Variants in ABL1 observed in about 807,000 individuals in gnomAD.
The protein encoded by ABL1 is tyrosine-protein kinase ABL1.
A neutral mutation model predicts 94.7 loss-of-function variants in ABL1; 11 were observed. That is an observed-to-expected ratio of 0.12 (90% CI 0.07 to 0.19). The LOEUF (loss-of-function observed/expected upper bound fraction) is 0.19, where lower values mean the gene tolerates loss of function less well. Among genes scored for constraint, ABL1 ranks in the 10% least tolerant of loss-of-function variants. The pLI is 1.00. For missense variants in ABL1, 1,082 were observed against 1,489.4 expected, an observed-to-expected ratio of 0.73 and a Z score of 4.50; for synonymous variants, 656 against 622.4, an observed-to-expected ratio of 1.05 and a Z score of -0.80.
chr9:130,772,894 G>A (rs964288324), intron 1 of ABL1, among the ~76,000 whole-genome samples: 2 of 152,208 alleles, frequency 1.3e-5, no homozygotes, highest in African/African-American at 4.8e-5. Context: ...ACTTTTGCTG[G>A]TGATAGGACA....
intron 1 of ABL1, among the ~76,000 whole-genome samples, chr9:130,772,223 A>C (rs1225775240): frequency 6.6e-6 from 1 of 152,336 alleles, no homozygotes; most frequent in Non-Finnish European, 1.5e-5. Flanking sequence ...ACATCGGAAC[A>C]CTGGTCTGGT....
At chr9:130,731,807 A>G (rs745515235) in intron 1 of ABL1, among the ~76,000 whole-genome samples, 1 of 151,954 alleles carries the variant, frequency 6.6e-6, no homozygotes, top group African/African-American at 2.4e-5. Context: ...ACCCTTAAGG[A>G]TTTTCTTCTC....
chr9:130,749,332 C>T (rs1831927005), intron 1 of ABL1, among the ~76,000 whole-genome samples: 1 of 152,162 alleles, frequency 6.6e-6, no homozygotes, highest in Non-Finnish European at 1.5e-5. Context: ...TATCTTGACA[C>T]TGGGGGTTTA....
chr9:130,721,813 TTTTTTTTTG>T lies in ABL1; in HGVS notation c.136+7367_136+7375del, dbSNP rs758475320. ...AGGCATTAAAGTTAAATTTGTCAGG[TTTTTTTTTG>T]TTTTTTTTTTTTTTTTTGAGACAGA... On this transcript the variant is annotated intron_variant, in intron 1 of 10. Coordinates refer to the ABL1 transcript ENST00000372348. Among the ~76,000 whole-genome samples the T allele has an allele frequency of 5.3e-3, 405 of 76,694 alleles. 1 individual carries two copies. The highest frequency in any genetic ancestry group is 6.9e-3 in the Non-Finnish European group (336 of 48,590). 50.3% of individuals were successfully genotyped at this position (76,694 alleles called of 152,430 possible). A position where few individuals can be genotyped will look rare whatever the true frequency, so the allele number is the denominator to read the frequency against.
chr9:130,802,392 CT>C (rs1830067510), intron 1 of ABL1, among the ~76,000 whole-genome samples: 1 of 152,154 alleles, frequency 6.6e-6, no homozygotes, highest in Non-Finnish European at 1.5e-5. Flanking sequence ...CTATGCCAGC[CT>C]TTTCAATTTT....
At chr9:130,781,211 T>C (rs1829750887) in intron 1 of ABL1, among the ~76,000 whole-genome samples, 1 of 152,202 alleles carries the variant, frequency 6.6e-6, no homozygotes, top group Admixed American at 6.5e-5. Flanking sequence ...AGAAAACCCT[T>C]CTTGAGTGGC....
intron 1 of ABL1, among the ~76,000 whole-genome samples, chr9:130,797,529 C>G (rs1281099874): frequency 6.6e-6 from 1 of 152,088 alleles, no homozygotes; most frequent in Non-Finnish European, 1.5e-5. Context: ...CGTGTGCCGC[C>G]ATGCTTAGCT....
chr9:130,884,038 G>A lies in ABL1; in HGVS notation c.1748G>A (p.Gly583Asp), dbSNP rs1416824935. 5 of 1,613,794 alleles carry A rather than the reference G, an allele frequency of 3.1e-6. No individual in the cohort carries two copies. Among genetic ancestry groups the A allele is most frequent in the African/African-American group, 2.7e-5 (2 of 74,930 alleles). Residue 583 changes from glycine (G) to aspartate (D), a missense_variant, in exon 11 of 11, where the codon GGC (glycine) becomes GAC (aspartate). This residue lies in a region of ABL1 where 780 missense variants were observed against 835.8 expected (regional missense o/e 0.93). Coordinates refer to ENST00000318560, the MANE Select transcript of ABL1 (RefSeq NM_005157.6). This position sits in a 1 kb window ranked among gnomAD's most constrained non-coding sequence, Gnocchi z 5.6. ...AAAGAGCGAGGTCCCCCGGAGGGCG[G>A]CCTGAATGAAGATGAGCGCCTTCTC... ...PRKERGPPEG[G>D]LNEDERLLPK... is the part of the protein sequence containing the mutation.
chr9:130,869,687 T>C (rs908144711), intron 4 of ABL1, among the ~76,000 whole-genome samples: 6 of 152,254 alleles, frequency 3.9e-5, no homozygotes, highest in African/African-American at 1.4e-4. Flanking sequence ...GAGTTAGCTT[T>C]ATTTTACTAT....
intron 1 of ABL1, among the ~76,000 whole-genome samples, chr9:130,846,990 T>C (rs535451100): frequency 7.8e-4 from 119 of 152,354 alleles, no homozygotes; most frequent in African/African-American, 2.4e-3. Context: ...CTGGTTCTTA[T>C]AAAATTTCCA....
intron 1 of ABL1, among the ~76,000 whole-genome samples, chr9:130,729,044 T>G (rs1831628264): frequency 6.6e-6 from 1 of 152,226 alleles, no homozygotes; most frequent in African/African-American, 2.4e-5. Flanking sequence ...GACTGGTCGT[T>G]AAGTTAGTTT....
Position 130,721,582 on chromosome 9 carries a change from C to T in ABL1, c.136+7127C>T, listed in dbSNP as rs144335461. ...AAAATTAGCTGGGCGTGGTGGTACA[C>T]GCCTGTAATCCCAGCTACTCAAGAG... On this transcript the variant is annotated intron_variant, in intron 1 of 10. Transcript: ENST00000372348. 6.6e-4 allele frequency among the ~76,000 whole-genome samples: 101 copies of T among 152,076 alleles called. 1 individual carries two copies. In the East Asian group the frequency reaches 0.013, roughly 19 times the overall value.
intron 1 of ABL1, among the ~76,000 whole-genome samples, chr9:130,790,048 C>G (rs1188680090): frequency 6.6e-6 from 1 of 152,234 alleles, no homozygotes; most frequent in Non-Finnish European, 1.5e-5. Flanking sequence ...AGGCCTTTGT[C>G]TGTCATTTGT....
chr9:130,780,255 C>G (rs998626193), intron 1 of ABL1, among the ~76,000 whole-genome samples: 2 of 152,184 alleles, frequency 1.3e-5, no homozygotes, highest in African/African-American at 4.8e-5. Flanking sequence ...CCACTGCACT[C>G]CAGCCTGGGC....
chr9:130,880,100 T>C lies in ABL1; in HGVS notation c.1456T>C (p.Phe486Leu), dbSNP rs1408198390. The part of the protein sequence containing the change: ...WQWNPSDRPS[F>L]AEIHQAFETM... ...GTGGAATCCCTCTGACCGGCCCTCC[T>C]TTGCTGAAATCCACCAAGCCTTTGA... The change falls in exon 9 of 11, where the codon TTT (phenylalanine) becomes CTT (leucine). Residue 486 changes from phenylalanine (F) to leucine (L), a missense_variant. Coordinates refer to ENST00000318560, the MANE Select transcript of ABL1 (RefSeq NM_005157.6). The surrounding 1 kb of genome is among the most constrained non-coding windows in gnomAD (Gnocchi z 4.4). 6.2e-7 allele frequency: 1 copy of C among 1,614,226 alleles called. No individual in the cohort carries two copies. The highest frequency in any genetic ancestry group is 8.5e-7 in the Non-Finnish European group (1 of 1,180,046).
At chr9:130,869,780 T>C (rs1255868513) in intron 4 of ABL1, among the ~76,000 whole-genome samples, 3 of 152,252 alleles carry the variant, frequency 2.0e-5, no homozygotes, top group South Asian at 2.1e-4. Flanking sequence ...TCAGGGATAT[T>C]TCCAGTTTAA....
At chr9:130,713,862 TGAA>T (rs1831402875) in exon 1 of ABL1, 1 of 228,142 alleles carries the variant, frequency 4.4e-6, no homozygotes, top group Non-Finnish European at 8.7e-6. Context: ...TGTTGGAAGA[TGAA>T]GAAGCTAAGA....
intron 1 of ABL1, among the ~76,000 whole-genome samples, chr9:130,791,985 A>G (rs1024391156): frequency 5.3e-5 from 8 of 152,250 alleles, no homozygotes; most frequent in Non-Finnish European, 8.8e-5. Context: ...GACACCAAGA[A>G]GGAAGGTTTA....
chr9:130,808,586 G>A (rs1279947776), intron 1 of ABL1, among the ~76,000 whole-genome samples: 1 of 152,118 alleles, frequency 6.6e-6, no homozygotes, highest in Non-Finnish European at 1.5e-5. Flanking sequence ...TAGGTAGGTA[G>A]GCAGGTGGGT....
Sources: gnomAD v4.1 joint callset for allele counts (sites outside exome capture counted in the v4.1 genomes callset) on GRCh38, gnomAD v4.1.1 for gene constraint, gnomAD v4.1.1 regional missense constraint, Gnocchi (gnomAD v3.1) non-coding constraint, MANE v1.5 for transcripts, NCBI Gene and HGNC (gene_info 2026-07-23, HGNC 2026-07-21) for gene names.